The following SLC44A5 variants were observed in gnomAD, a reference collection of about 807,000 sequenced individuals.
SLC44A5 encodes choline transporter-like protein 5.
SLC44A5 carries 57 observed loss-of-function variants against 101.8 expected under a neutral mutation model. The ratio of observed to expected loss-of-function variants is 0.56; its 90% confidence interval spans 0.45 to 0.70. The LOEUF is 0.70. SLC44A5 is among the 30% of genes least tolerant of loss of function. The pLI, the probability that SLC44A5 is intolerant of heterozygous loss-of-function variation, is 0.00. For synonymous variants in SLC44A5, 281 were observed against 290.9 expected, an observed-to-expected ratio of 0.97 and a Z score of 0.35; for missense variants, 737 against 853.1, an observed-to-expected ratio of 0.86 and a Z score of 1.70.
intron 2 of SLC44A5, among the ~76,000 whole-genome samples, chr1:75,427,648 G>A (rs1664387077): frequency 6.6e-6 from 1 of 152,120 alleles, no homozygotes; most frequent in African/African-American, 2.4e-5. Context: ...GACTGCCTAG[G>A]ATTAAATCCC....
chr1:75,321,838 C>T (rs1656173907), intron 4 of SLC44A5, among the ~76,000 whole-genome samples: 1 of 152,084 alleles, frequency 6.6e-6, no homozygotes, highest in African/African-American at 2.4e-5. Context: ...ATGTCTTTGT[C>T]ATTACTAGGT....
At chr1:75,655,513 T>C in the SLC44A5 span, among the ~76,000 whole-genome samples, 39 of 152,172 alleles carry the variant, frequency 2.6e-4, no homozygotes, top group Non-Finnish European at 7.3e-5. Context: ...GTGGTCTTCA[T>C]GCAAGCTCTC....
chr1:75,302,119 T>TG (rs1654521985), intron 4 of SLC44A5, among the ~76,000 whole-genome samples: 2 of 137,774 alleles, frequency 1.5e-5, no homozygotes, highest in African/African-American at 2.7e-5. Context: ...TTTGTTTTTT[T>TG]TTTTTTTTTT....
chr1:75,530,454 A>C (rs1053241824), intron 2 of SLC44A5, among the ~76,000 whole-genome samples: 2 of 152,194 alleles, frequency 1.3e-5, no homozygotes, highest in Non-Finnish European at 2.9e-5. Flanking sequence ...TTCAGGGTTC[A>C]AATGGGCCAC....
intron 1 of SLC44A5, among the ~76,000 whole-genome samples, chr1:75,544,611 A>G (rs563146932): frequency 1.3e-5 from 2 of 152,302 alleles, no homozygotes; most frequent in East Asian, 3.9e-4. Flanking sequence ...TCATTTCCCA[A>G]TAAAGAATGT....
intron 2 of SLC44A5, among the ~76,000 whole-genome samples, chr1:75,540,061 A>AC (rs77165385): frequency 0.66 from 100,942 of 151,920 alleles, 34,240 homozygotes; most frequent in Middle Eastern, 0.75. Flanking sequence ...GCCAATCTAA[A>AC]TATAATGTAG....
intron 3 of SLC44A5, among the ~76,000 whole-genome samples, chr1:75,362,791 T>G (rs975466660): frequency 6.6e-6 from 1 of 152,082 alleles, no homozygotes; most frequent in East Asian, 1.9e-4. Flanking sequence ...GCATGTTCTT[T>G]AGACATGTTA....
At chr1:75,616,052 C>T (rs1675865995), upstream of SLC44A5, among the ~76,000 whole-genome samples, 1 of 151,886 alleles carries the variant, frequency 6.6e-6, no homozygotes, top group Admixed American at 6.6e-5. Flanking sequence ...CTCGGCTCGG[C>T]TCGGCTGGGG....
chr1:75,330,146 T>C (rs984843194), intron 4 of SLC44A5, among the ~76,000 whole-genome samples: 1 of 122,684 alleles, frequency 8.2e-6, no homozygotes, highest in Non-Finnish European at 1.7e-5. Context: ...CACACATGCA[T>C]ATACGTATAT....
rs563112617 is a variant in SLC44A5 at position 75,516,441 on chromosome 1, TG to T, written c.13+24993del. Among the ~76,000 whole-genome samples, 10 of 152,116 alleles carry T rather than the reference TG, an allele frequency of 6.6e-5. No individual in the cohort carries two copies. In the South Asian group the frequency reaches 1.2e-3, roughly 19 times the overall value. ...CTGAGGCAGGAGAATGGCGTGAACC[TG>T]GGAGGCGGAGCTTGCAGTGAGCGGA... is the stretch of plus-strand genomic sequence containing the variant. On this transcript the variant is annotated intron_variant, in intron 2 of 23. Transcript: ENST00000370859.
chr1:75,667,405 C>G, the SLC44A5 span, among the ~76,000 whole-genome samples: 1 of 152,090 alleles, frequency 6.6e-6, no homozygotes, highest in Non-Finnish European at 1.5e-5. Context: ...GAACTACAAA[C>G]CACTGCTCAA....
At chr1:75,417,314 G>A (rs1663718607) in intron 2 of SLC44A5, among the ~76,000 whole-genome samples, 1 of 152,152 alleles carries the variant, frequency 6.6e-6, no homozygotes. Context: ...GATGTGACTT[G>A]GTCCTCCTTG....
At chr1:75,699,003 T>C in the SLC44A5 span, among the ~76,000 whole-genome samples, 1 of 152,124 alleles carries the variant, frequency 6.6e-6, no homozygotes, top group South Asian at 2.1e-4. Context: ...TGGGACTATG[T>C]GAAAAGACCA....
At chr1:75,291,090 C>G (rs2100822652) in intron 5 of SLC44A5, among the ~76,000 whole-genome samples, 1 of 152,210 alleles carries the variant, frequency 6.6e-6, no homozygotes, top group Non-Finnish European at 1.5e-5. Context: ...TTTTATAACA[C>G]CTGTGGGTTT....
At chr1:75,647,379 G>A in the SLC44A5 span, among the ~76,000 whole-genome samples, 1 of 152,284 alleles carries the variant, frequency 6.6e-6, no homozygotes, top group Non-Finnish European at 1.5e-5. Context: ...GAGCCCTCAT[G>A]GAAAATCTCT....
chr1:75,603,503 T>C (rs1315295832), intron 1 of SLC44A5, among the ~76,000 whole-genome samples: 1 of 152,034 alleles, frequency 6.6e-6, no homozygotes, highest in Non-Finnish European at 1.5e-5. Context: ...TGCCCAGTAG[T>C]GGGATTGCTG....
chr1:75,686,843 G>T, the SLC44A5 span, among the ~76,000 whole-genome samples: 3 of 152,166 alleles, frequency 2.0e-5, no homozygotes, highest in African/African-American at 7.2e-5. Context: ...CAGTCAACAG[G>T]ATTTGCTGAA....
the SLC44A5 span, chr1:75,723,573 G>C: frequency 1.3e-5 from 2 of 152,146 alleles, no homozygotes; most frequent in African/African-American, 4.8e-5. Flanking sequence ...CATCTTTTCT[G>C]TGTTTAAAAT....
chr1:75,257,809 C>CT (rs1407428204), intron 6 of SLC44A5, among the ~76,000 whole-genome samples: 1 of 152,064 alleles, frequency 6.6e-6, no homozygotes, highest in Admixed American at 6.6e-5. Context: ...GCGAGAACTA[C>CT]TCAGAAAAAG....
Sources: allele counts gnomAD v4.1 joint callset (sites outside exome capture counted in the v4.1 genomes callset), GRCh38; gene constraint gnomAD v4.1.1; transcripts MANE v1.5; gene names NCBI Gene and HGNC (gene_info 2026-07-23, HGNC 2026-07-21).